Variants in ADAMTSL1 observed in about 807,000 individuals in gnomAD.
ADAMTSL1 encodes the protein ADAMTS-like protein 1.
A neutral mutation model predicts 201.8 loss-of-function variants in ADAMTSL1; 126 were observed. The observed-to-expected ratio is 0.62, with a 90% confidence interval of 0.54 to 0.72. ADAMTSL1 has a LOEUF of 0.72. Ranked by LOEUF, ADAMTSL1 falls within the 30% of genes least tolerant of loss-of-function variation. The probability of loss-of-function intolerance (pLI) is 0.00; values close to 1 mark genes in which losing one functional copy is unlikely to be tolerated. For missense variants in ADAMTSL1, 2,679 were observed against 2,277.8 expected, an observed-to-expected ratio of 1.18 and a Z score of -3.59; for synonymous variants, 1,121 against 903.4, an observed-to-expected ratio of 1.24 and a Z score of -4.32.
chr9:18,527,467 A>C (rs1277082671), intron 2 of ADAMTSL1, among the ~76,000 whole-genome samples: 2 of 152,178 alleles, frequency 1.3e-5, no homozygotes, highest in African/African-American at 2.4e-5. Flanking sequence ...AGGAGCGATA[A>C]ATCAAATGCA....
chr9:18,501,503 CAAAAAAAA>C (rs397894789), intron 1 of ADAMTSL1, among the ~76,000 whole-genome samples: 4 of 93,088 alleles, frequency 4.3e-5, no homozygotes, highest in South Asian at 3.3e-4. Context: ...GACACGGTCT[CAAAAAAAA>C]AAAAAAAAAA....
intron 2 of ADAMTSL1, among the ~76,000 whole-genome samples, chr9:18,197,210 G>T (rs1829218337): frequency 6.6e-6 from 1 of 152,104 alleles, no homozygotes; most frequent in Admixed American, 6.6e-5. Context: ...TTCCAATTCT[G>T]TGAAGAAAGG....
chr9:18,133,906 A>G (rs1488146283), intron 1 of ADAMTSL1, among the ~76,000 whole-genome samples: 1 of 152,240 alleles, frequency 6.6e-6, no homozygotes, highest in Non-Finnish European at 1.5e-5. Flanking sequence ...ACATCTCATT[A>G]GACCTCATTC....
In ADAMTSL1 at chr9:18,906,701, C is replaced by T; in HGVS notation, c.4971C>T (p.Ser1657=). 1 of 1,594,624 alleles carries T rather than the reference C, an allele frequency of 6.3e-7. No homozygotes were observed. The highest frequency in any genetic ancestry group is 8.6e-7 in the Non-Finnish European group (1 of 1,169,564). ...CACCATCCTCCTGCAGGCCTGTGAG[C>T]ACCCAGAACTGCTGGTCAGAGGCCT... is the stretch of plus-strand genomic sequence containing the variant. ...EQCSALPRPV[S]TQNCWSEACS... Residue 1657 remains serine, a synonymous_variant, in exon 28 of 29, where the codon AGC becomes AGT. Transcript: ENST00000380548.
intron 19 of ADAMTSL1, among the ~76,000 whole-genome samples, chr9:18,782,868 A>G (rs185769016): frequency 6.3e-4 from 96 of 152,334 alleles, no homozygotes; most frequent in African/African-American, 2.2e-3. Context: ...AAAGAACTCA[A>G]AAGAAGTCCA....
chr9:18,504,933 T>A lies in ADAMTSL1; in HGVS notation c.168T>A (p.Ser56=), dbSNP rs776766953. The A allele has an allele frequency of 3.1e-6, 5 of 1,610,282 alleles. No individual in the cohort carries two copies. The Admixed American group carries it at 5.0e-5, about 16-fold the overall frequency. Residue 56 remains serine, a synonymous_variant, in exon 2 of 29, where the codon TCT becomes TCA. Transcript: ENST00000380548. The stretch of plus-strand genomic sequence containing the variant: ...CCTGCGGGGGTGGGGCCTCCTACTC[T>A]CTGAGGCGCTGCCTGAGCAGCAAGT... ...SRTCGGGASY[S]LRRCLSSKSC... is the part of the protein sequence containing the mutation.
rs149994948 is a variant in ADAMTSL1 at position 17,921,238 on chromosome 9, A to G, written c.87+14316A>G. 2.0e-4 allele frequency among the ~76,000 whole-genome samples: 30 copies of G among 152,228 alleles called. No homozygotes were observed. In the East Asian group the frequency reaches 5.0e-3, roughly 26 times the overall value. The stretch of plus-strand genomic sequence containing the variant: ...ACGTAGATTTTGAACCAGTATTCCT[A>G]GCTGGGGACAAACTTCACTCATCTC... On this transcript the variant is annotated intron_variant, in intron 1 of 29. Coordinates refer to the ADAMTSL1 transcript ENST00000680146.
chr9:18,672,055 TA>T (rs1480977278), intron 9 of ADAMTSL1, among the ~76,000 whole-genome samples: 1 of 151,446 alleles, frequency 6.6e-6, no homozygotes, highest in African/African-American at 2.4e-5. Flanking sequence ...TAAATTTAAT[TA>T]AAAAAAAGAA....
intron 2 of ADAMTSL1, among the ~76,000 whole-genome samples, chr9:18,381,890 T>C (rs1587024984): frequency 6.6e-6 from 1 of 152,286 alleles, no homozygotes; most frequent in Middle Eastern, 3.4e-3. Flanking sequence ...AAAACATCAA[T>C]GTTTGCACCT....
chr9:18,675,741 C>T (rs1045961085), intron 9 of ADAMTSL1, 116 bp from the exon 10 acceptor site: 8 of 920,010 alleles, frequency 8.7e-6, no homozygotes, highest in African/African-American at 8.4e-5. Flanking sequence ...TTTATAGATA[C>T]AATTTATTAA....
At chr9:18,545,367 A>G (rs1461943889) in intron 3 of ADAMTSL1, among the ~76,000 whole-genome samples, 2 of 152,176 alleles carry the variant, frequency 1.3e-5, no homozygotes, top group African/African-American at 4.8e-5. Context: ...TAACACCAGG[A>G]GCTATATGGG....
At chr9:18,439,728 ACT>A (rs570297102) in intron 2 of ADAMTSL1, among the ~76,000 whole-genome samples, 78 of 152,244 alleles carry the variant, frequency 5.1e-4, no homozygotes, top group African/African-American at 1.8e-3. Context: ...GTATTCTCAG[ACT>A]CTAATGTAGT....
chr9:18,546,888 G>A (rs1029917077), intron 3 of ADAMTSL1, among the ~76,000 whole-genome samples: 8 of 152,030 alleles, frequency 5.3e-5, no homozygotes, highest in South Asian at 2.1e-4. Flanking sequence ...AGATTTCTTT[G>A]GAAGAAAAAT....
At chr9:18,265,140 A>G (rs10117703) in intron 2 of ADAMTSL1, among the ~76,000 whole-genome samples, 118,797 of 152,072 alleles carry the variant, frequency 0.78, 46,512 homozygotes, top group Admixed American at 0.83. Flanking sequence ...TAGAGCTCAA[A>G]GAACTCAGTT....
intron 2 of ADAMTSL1, among the ~76,000 whole-genome samples, chr9:18,397,818 A>G (rs1817814408): frequency 1.3e-5 from 2 of 152,192 alleles, no homozygotes; most frequent in Non-Finnish European, 2.9e-5. Flanking sequence ...GTAAGCATCT[A>G]TACCTCATTG....
intron 1 of ADAMTSL1, among the ~76,000 whole-genome samples, chr9:18,137,985 G>A (rs777206105): frequency 3.3e-5 from 5 of 152,082 alleles, no homozygotes; most frequent in Non-Finnish European, 2.9e-5. Context: ...GTGGACAGCC[G>A]GACCAACTCT....
At chr9:18,324,389 T>C (rs1834744085) in intron 2 of ADAMTSL1, among the ~76,000 whole-genome samples, 2 of 150,554 alleles carry the variant, frequency 1.3e-5, no homozygotes, top group South Asian at 4.2e-4. Context: ...TTGAGTATCA[T>C]TGTGAAACAG....
intron 14 of ADAMTSL1, chr9:18,718,202 A>G (rs1833083923): frequency 7.7e-6 from 6 of 778,068 alleles, no homozygotes; most frequent in Admixed American, 6.9e-5. Flanking sequence ...GAATCATTGG[A>G]ACATCATCAG....
intron 1 of ADAMTSL1, among the ~76,000 whole-genome samples, chr9:17,945,820 G>A (rs886514187): frequency 9.5e-6 from 1 of 105,692 alleles, no homozygotes; most frequent in South Asian, 3.9e-4. Context: ...CTGTTGTGGG[G>A]TGGGGGGAGG....
Sources: gnomAD v4.1 joint callset for allele counts (sites outside exome capture counted in the v4.1 genomes callset) on GRCh38, gnomAD v4.1.1 for gene constraint, MANE v1.5 for transcripts, NCBI Gene and HGNC (gene_info 2026-07-23, HGNC 2026-07-21) for gene names.